IGDCC4: variants seen among roughly 807,000 people sequenced by gnomAD.
IGDCC4 encodes the protein immunoglobulin superfamily DCC subclass member 4.
A neutral mutation model predicts 116.6 loss-of-function variants in IGDCC4; 72 were observed. The observed-to-expected ratio is 0.62, with a 90% CI of 0.51 to 0.75. The LOEUF (loss-of-function observed/expected upper bound fraction) is 0.75. IGDCC4 is among the 30% of genes least tolerant of loss of function. The pLI, the probability that IGDCC4 is intolerant of heterozygous loss-of-function variation, is 0.00. For missense variants in IGDCC4, 1,501 were observed against 1,662.4 expected (o/e 0.90, Z 1.69); for synonymous variants, 709 against 719.9 (o/e 0.98, Z 0.24).
chr15:65,414,808 A>C (rs1187803692), intron 1 of IGDCC4, among the ~76,000 whole-genome samples: 1 of 152,106 alleles, frequency 6.6e-6, no homozygotes, highest in Non-Finnish European at 1.5e-5. Context: ...CACCTGACTA[A>C]TTTTTGTATT....
chr15:65,387,867 T>C (rs1567080130), intron 16 of IGDCC4, among the ~76,000 whole-genome samples: 1 of 151,630 alleles, frequency 6.6e-6, no homozygotes, highest in Non-Finnish European at 1.5e-5. Context: ...CCCAGCACTT[T>C]GGGAGGACGA....
At chr15:65,400,176 A>G (rs1468927771) in intron 5 of IGDCC4, among the ~76,000 whole-genome samples, 1 of 152,192 alleles carries the variant, frequency 6.6e-6, no homozygotes, top group East Asian at 1.9e-4. Context: ...CACTGGCGTT[A>G]CCCTGATGGC....
chr15:65,404,109 C>T (rs1351751499), intron 3 of IGDCC4, among the ~76,000 whole-genome samples: 1 of 152,076 alleles, frequency 6.6e-6, no homozygotes, highest in Non-Finnish European at 1.5e-5. Flanking sequence ...CTAAAAAAAT[C>T]TAAACATGGA....
chr15:65,410,870 G>A (rs1428136647), intron 2 of IGDCC4, 150 bp downstream of exon 2: 1 of 622,396 alleles, frequency 1.6e-6, no homozygotes, highest in Non-Finnish European at 2.8e-6. Flanking sequence ...ACAATACCAG[G>A]AAGAGACCTA....
chr15:65,402,592 G>A, intron 3 of IGDCC4, 105 bp from the exon 4 acceptor site: 1 of 1,408,968 alleles, frequency 7.1e-7, no homozygotes, highest in Non-Finnish European at 9.6e-7. Context: ...TACCAGGCTG[G>A]GCGCAGTGGC....
intron 8 of IGDCC4, 42 bp downstream of exon 8, chr15:65,395,052 C>T: frequency 1.3e-6 from 2 of 1,567,940 alleles, no homozygotes; most frequent in Non-Finnish European, 1.7e-6. Context: ...CCAGGGAATT[C>T]TCTTTACCCC....
At chr15:65,389,135 G>T in intron 14 of IGDCC4, 149 bp downstream of exon 14, 2 of 1,184,662 alleles carry the variant, frequency 1.7e-6, no homozygotes, top group Non-Finnish European at 2.3e-6. Context: ...ATGTGTGGTT[G>T]GAGGGACTTA....
In IGDCC4 at chr15:65,385,591, G is replaced by C. The variant is rs2091447625; in HGVS notation, c.3180+240C>G. On this transcript the variant is annotated intron_variant, in intron 18 of 19. Transcript: ENST00000352385. ...GGGAGCTGGGTGTTCTGGCTACCCTGGGTCACCTGCTGGGAGGCCCTTTCC... is the reference window on the plus strand; with the variant it reads ...GGGAGCTGGGTGTTCTGGCTACCCTCGGTCACCTGCTGGGAGGCCCTTTCC... 3 of 610,878 alleles carry C rather than the reference G, an allele frequency of 4.9e-6. No individual in the cohort carries two copies. In the East Asian group the frequency reaches 8.4e-5, roughly 17 times the overall value. 37.8% of individuals were successfully genotyped at this position (610,878 alleles called of 1,614,324 possible). A position where few individuals can be genotyped will look rare whatever the true frequency, so the allele number is the denominator to read the frequency against.
At chr15:65,412,382 CG>C (rs2063103235) in intron 1 of IGDCC4, among the ~76,000 whole-genome samples, 1 of 151,558 alleles carries the variant, frequency 6.6e-6, no homozygotes, top group South Asian at 2.1e-4. Flanking sequence ...CGTGGTGGCA[CG>C]CACCTGTAAT....
chr15:65,401,895 G>T (rs1353351407), intron 4 of IGDCC4, among the ~76,000 whole-genome samples: 4 of 152,158 alleles, frequency 2.6e-5, no homozygotes, highest in Non-Finnish European at 5.9e-5. Context: ...ACGAGTAAAG[G>T]ATAAGAGCAC....
intron 12 of IGDCC4, among the ~76,000 whole-genome samples, chr15:65,391,228 T>C (rs1334328808): frequency 6.6e-6 from 1 of 151,918 alleles, no homozygotes; most frequent in Non-Finnish European, 1.5e-5. Context: ...AGACTCTGTC[T>C]CAAAAGAAAA....
rs2091404371 is a variant in IGDCC4, at chr15:65,381,954, TGTC to T, written c.*2052_*2054del. 1 of 152,622 alleles carries T rather than the reference TGTC, an allele frequency of 6.6e-6. No individual in the cohort carries two copies. The highest frequency in any genetic ancestry group is 6.5e-5 in the Admixed American group (1 of 15,278). The allele number at this position is 152,622 out of a possible 1,614,324, so 9.5% of individuals were successfully genotyped here. A position where few individuals can be genotyped will look rare whatever the true frequency, so the allele number is the denominator to read the frequency against. ...CCACCCAACCTAATGGGTTATAAAT[TGTC>T]TCATTTGCAGCTATTTAATTTAAAC... On this transcript the variant is annotated 3_prime_UTR_variant, in exon 20 of 20. Coordinates refer to ENST00000352385, the MANE Select transcript of IGDCC4 (RefSeq NM_020962.3).
At position 65,383,627 on chromosome 15, in the gene IGDCC4, G is replaced by A. The variant is rs566673770; in HGVS notation, c.*382C>T. The A allele has an allele frequency of 1.6e-4, 28 of 178,854 alleles. No homozygotes were observed. The highest frequency in any genetic ancestry group is 1.9e-4 in the Admixed American group (3 of 16,184). The allele number at this position is 178,854 out of a possible 1,614,324, so 11.1% of individuals were successfully genotyped here. ...CAGAGTGTGTAATAAAAGGCTGGGC[G>A]ATGGAGGTGGGGGCCCACAGGGCTG... On this transcript the variant is annotated 3_prime_UTR_variant, in exon 20 of 20. Transcript: ENST00000352385.
rs1009849458 is a variant in IGDCC4 at position 65,384,574 on chromosome 15, C to T, written c.3343-155G>A. Reference sequence around the variant, plus strand: ...TACACAGGAACTGTTCGAACCTATACAAAGGCAGGGAATGATGGAATACTT... The same window carrying T: ...TACACAGGAACTGTTCGAACCTATATAAAGGCAGGGAATGATGGAATACTT... On this transcript the variant is annotated intron_variant, in intron 19 of 19. Coordinates refer to ENST00000352385, the MANE Select transcript of IGDCC4 (RefSeq NM_020962.3). This position sits in a 1 kb window ranked among gnomAD's most constrained non-coding sequence, Gnocchi z 4.9. 6.6e-6 allele frequency among the ~76,000 whole-genome samples: 1 copy of T among 152,172 alleles called. No homozygotes were observed. The highest frequency in any genetic ancestry group is 1.5e-5 in the Non-Finnish European group (1 of 68,030).
chr15:65,383,723 C>T lies in IGDCC4; in HGVS notation c.*286G>A. On this transcript the variant is annotated 3_prime_UTR_variant, in exon 20 of 20. Coordinates refer to ENST00000352385, the MANE Select transcript of IGDCC4 (RefSeq NM_020962.3). ...AGGCTGTAGTGACCACTGCCTGGGC[C>T]ACGGTTTCCCAGCTCAACAACCAGT... 1 of 320,534 alleles carries T rather than the reference C, an allele frequency of 3.1e-6. No homozygotes were observed. Among genetic ancestry groups the T allele is most frequent in the Non-Finnish European group, 5.7e-6 (1 of 175,698 alleles). 19.9% of individuals were successfully genotyped at this position (320,534 alleles called of 1,614,324 possible).
At chr15:65,385,160 T>G (rs776875809) in intron 18 of IGDCC4, 45 bp from the exon 19 acceptor site, 1 of 1,514,486 alleles carries the variant, frequency 6.6e-7, no homozygotes, top group South Asian at 1.2e-5. Flanking sequence ...CGACCAGGAT[T>G]GGCTGGGAGA....
intron 1 of IGDCC4, among the ~76,000 whole-genome samples, chr15:65,418,612 G>A (rs966623008): frequency 6.6e-6 from 1 of 151,972 alleles, no homozygotes; most frequent in Non-Finnish European, 1.5e-5. Flanking sequence ...TGATTTCTCT[G>A]CATGTCAGGC....
chr15:65,414,429 T>C (rs1231044602), intron 1 of IGDCC4, among the ~76,000 whole-genome samples: 2 of 152,220 alleles, frequency 1.3e-5, no homozygotes, highest in Non-Finnish European at 2.9e-5. Context: ...GGCCACGTGC[T>C]GTGGTGGAAA....
intron 17 of IGDCC4, 63 bp downstream of exon 17, chr15:65,386,488 C>T: frequency 7.2e-7 from 1 of 1,394,580 alleles, no homozygotes; most frequent in Non-Finnish European, 9.9e-7. Context: ...TCCCTGATGG[C>T]CCATTCTGCA....
Sources: allele counts gnomAD v4.1 joint callset (sites outside exome capture counted in the v4.1 genomes callset), GRCh38; gene constraint gnomAD v4.1.1; non-coding constraint Gnocchi (gnomAD v3.1); transcripts MANE v1.5; gene names NCBI Gene and HGNC (gene_info 2026-07-23, HGNC 2026-07-21).